The following LHB variants were observed in gnomAD, a reference collection of about 807,000 sequenced individuals.
LHB encodes the protein luteinizing hormone subunit beta, also known as lutropin subunit beta.
In LHB, 11 loss-of-function variants were observed where a neutral mutation model predicts 10.6. The observed-to-expected ratio is 1.04, with a 90% CI of 0.66 to 1.72. The LOEUF is 1.72. Among genes scored for constraint, LHB ranks in the 40% most tolerant of loss-of-function variants. The probability of loss-of-function intolerance (pLI) is 0.00; values close to 1 mark genes in which losing one functional copy is unlikely to be tolerated. For synonymous variants in LHB, 86 were observed against 83.1 expected (o/e 1.03, Z -0.19); for missense variants, 184 against 197.3 (o/e 0.93, Z 0.41).
At chr19:49,017,193 CG>C (rs2039570792), upstream of LHB, 3 of 1,553,384 alleles carry the variant, frequency 1.9e-6, no homozygotes, top group Admixed American at 3.3e-5. Context: ...CTAATCCCCC[CG>C]GGGGCGAGAG....
At chr19:49,019,062 C>T (rs2039598578), upstream of LHB, 1 of 1,470,100 alleles carries the variant, frequency 6.8e-7, no homozygotes, top group African/African-American at 1.4e-5. Flanking sequence ...ATCCCAAGCC[C>T]TGGGTCCCGA....
chr19:49,019,372 A>C, upstream of LHB: 2 of 1,239,810 alleles, frequency 1.6e-6, no homozygotes, highest in Non-Finnish European at 2.0e-6. Context: ...TACCTCTCCC[A>C]ACTCCCACCT....
upstream of LHB, chr19:49,019,497 C>A: frequency 8.6e-7 from 1 of 1,165,190 alleles, no homozygotes; most frequent in Non-Finnish European, 1.1e-6. Flanking sequence ...CTGGCCTGGC[C>A]TAATGCCCAG....
chr19:49,017,526 T>C, upstream of LHB: 1 of 1,116,930 alleles, frequency 9.0e-7, no homozygotes, highest in Non-Finnish European at 1.1e-6. Flanking sequence ...CGGACTTAGC[T>C]TCTGCCCAGT....
intron 2 of LHB, 88 bp downstream of exon 2, chr19:49,016,459 A>G: frequency 6.2e-7 from 1 of 1,603,306 alleles, no homozygotes; most frequent in Non-Finnish European, 8.5e-7. Flanking sequence ...ACCGCAGGCC[A>G]GAGAGGCAGA....
chr19:49,018,727 T>C, upstream of LHB: 1 of 694,134 alleles, frequency 1.4e-6, no homozygotes, highest in South Asian at 1.9e-5. Flanking sequence ...AGGGAGGGGC[T>C]GAGGCCTGAA....
Position 49,016,082 on chromosome 19 carries a change from G to A in LHB, c.412C>T (p.Leu138Phe). Residue 138 changes from leucine to phenylalanine, a missense_variant, in exon 3 of 3, where the codon CTC becomes TTC. By Grantham distance (22) the Leu-to-Phe change is conservative. Coordinates refer to ENST00000649238, the MANE Select transcript of LHB (RefSeq NM_000894.3). ...LTCDHPQLSG[L>F]LFL ...GGGGAGGGTCTTTAGAGGAAGAGGA[G>A]GCCTGAGAGTTGGGGGTGGTCACAG... 1 of 1,613,408 alleles carries A rather than the reference G, an allele frequency of 6.2e-7. No individual in the cohort carries two copies. The highest frequency in any genetic ancestry group is 8.5e-7 in the Non-Finnish European group (1 of 1,180,034).
chr19:49,017,600 G>A, upstream of LHB: 1 of 1,088,410 alleles, frequency 9.2e-7, no homozygotes, highest in Admixed American at 4.5e-5. Flanking sequence ...CCCCCAAGGA[G>A]GGATTAAGCC....
upstream of LHB, chr19:49,018,201 C>G (rs1213403848): frequency 2.1e-6 from 1 of 487,552 alleles, no homozygotes; most frequent in Admixed American, 4.4e-5. Context: ...ACGCGCGGCA[C>G]GCGGACCCGC....
Position 49,016,585 on chromosome 19 carries a change from C to T in LHB, c.145G>A (p.Val49Ile), listed in dbSNP as rs200011961. Residue 49 changes from valine (V) to isoleucine (I), a missense_variant, in exon 2 of 3, where the codon GTC (valine) becomes ATC (isoleucine). Val to Ile is a conservative substitution (Grantham distance 29, BLOSUM62 3). Transcript: ENST00000649238. Reference protein sequence around the residue: ...EKEGCPVCITVNTTICAGYCP... With the variant: ...EKEGCPVCITINTTICAGYCP... ...TAGCCGGCACAGATGGTGGTGTTGACGGTGATGCACACTGGGCAGCCCTCC... is the reference window on the plus strand; with the variant it reads ...TAGCCGGCACAGATGGTGGTGTTGATGGTGATGCACACTGGGCAGCCCTCC... The T allele has an allele frequency of 3.2e-5, 51 of 1,610,896 alleles. No homozygotes were observed. Among genetic ancestry groups the T allele is most frequent in the East Asian group, 1.1e-4 (5 of 44,870 alleles).
upstream of LHB, chr19:49,017,139 G>T: frequency 2.5e-6 from 4 of 1,612,556 alleles, no homozygotes; most frequent in East Asian, 2.2e-5. Context: ...TGTGGGGGCG[G>T]CAAGGCCACC....
chr19:49,018,659 G>C (rs1013840039), upstream of LHB, among the ~76,000 whole-genome samples: 5 of 152,124 alleles, frequency 3.3e-5, no homozygotes, highest in African/African-American at 1.2e-4. Context: ...CAGGCTTCCT[G>C]TCCCTACCGC....
chr19:49,016,850 A>G, intron 1 of LHB, 136 bp from the exon 2 acceptor site: 1 of 1,571,164 alleles, frequency 6.4e-7, no homozygotes, highest in Non-Finnish European at 8.6e-7. Context: ...CACCACCCGG[A>G]CACCTGCCTT....
Position 49,016,566 on chromosome 19 carries a change from G to T in LHB, c.164C>A (p.Ala55Asp). 1 of 1,609,552 alleles carries T rather than the reference G, an allele frequency of 6.2e-7. No homozygotes were observed. The highest frequency in any genetic ancestry group is 8.5e-7 in the Non-Finnish European group (1 of 1,179,632). ...GCTCACCATGGTGGGGCAGTAGCCG[G>T]CACAGATGGTGGTGTTGACGGTGAT... ...VCITVNTTIC[A>D]GYCPTMMRVL... The change falls in exon 2 of 3, where the codon GCC (alanine) becomes GAC (aspartate). Residue 55 changes from alanine to aspartate, a missense_variant. Transcript: ENST00000649238.
upstream of LHB, chr19:49,018,241 A>T (rs1418662525): frequency 1.2e-6 from 1 of 808,610 alleles, no homozygotes; most frequent in Non-Finnish European, 1.7e-6. Context: ...AGGAGCGCGG[A>T]CAGGGCGGCC....
chr19:49,019,234 T>C (rs1418571835), upstream of LHB: 5 of 1,352,582 alleles, frequency 3.7e-6, no homozygotes, highest in African/African-American at 1.5e-5. Context: ...CCAAGCACCT[T>C]CTGCTGTTCA....
upstream of LHB, chr19:49,019,393 CAG>C (rs2039601196): frequency 8.0e-7 from 1 of 1,254,500 alleles, no homozygotes; most frequent in South Asian, 3.5e-5. Context: ...GACCCCGTCT[CAG>C]AATATTCTAG....
chr19:49,018,127 G>C (rs1408765252), upstream of LHB: 1 of 399,810 alleles, frequency 2.5e-6, no homozygotes, highest in East Asian at 3.6e-5. Flanking sequence ...GCAGCAGGGG[G>C]CTGTAGGACT....
At chr19:49,017,131 TG>T, upstream of LHB, 1 of 1,613,626 alleles carries the variant, frequency 6.2e-7, no homozygotes. Context: ...CTCGGGGTTG[TG>T]GGGGCGGCAA....
Sources: allele counts gnomAD v4.1 joint callset (sites outside exome capture counted in the v4.1 genomes callset), GRCh38; gene constraint gnomAD v4.1.1; transcripts MANE v1.5; gene names NCBI Gene and HGNC (gene_info 2026-07-23, HGNC 2026-07-21).